The following TK2 variants were observed in gnomAD, a reference collection of about 807,000 sequenced individuals.
TK2 encodes the protein thymidine kinase 2.
A neutral mutation model predicts 41.9 loss-of-function variants in TK2; 35 were observed. The observed-to-expected ratio is 0.84, with a 90% CI of 0.64 to 1.11. TK2 has a LOEUF of 1.11. Among genes scored for constraint, TK2 ranks in the 50% least tolerant of loss-of-function variants. The probability of loss-of-function intolerance (pLI) is 0.00; values close to 1 mark genes in which losing one functional copy is unlikely to be tolerated. For synonymous variants in TK2, 128 were observed against 129.1 expected (o/e 0.99, Z 0.06); for missense variants, 320 against 351.1 (o/e 0.91, Z 0.71).
intron 6 of TK2, among the ~76,000 whole-genome samples, chr16:66,518,835 G>A (rs765919350): frequency 6.6e-6 from 1 of 152,076 alleles, no homozygotes; most frequent in Non-Finnish European, 1.5e-5. Context: ...TCAAGCTGCA[G>A]GACTACATGA....
chr16:66,516,366 A>C (rs750722981), intron 8 of TK2, among the ~76,000 whole-genome samples: 6 of 152,202 alleles, frequency 3.9e-5, no homozygotes, highest in Non-Finnish European at 5.9e-5. Flanking sequence ...GAGCATAGAA[A>C]GTAGGGAATG....
chr16:66,521,906 T>C (rs1964791302), intron 6 of TK2, among the ~76,000 whole-genome samples: 1 of 152,234 alleles, frequency 6.6e-6, no homozygotes, highest in Non-Finnish European at 1.5e-5. Flanking sequence ...GTTACATCAG[T>C]ACAATTTCTT....
intron 6 of TK2, among the ~76,000 whole-genome samples, chr16:66,525,795 GAC>G (rs1964913476): frequency 6.6e-6 from 1 of 152,168 alleles, no homozygotes; most frequent in Non-Finnish European, 1.5e-5. Flanking sequence ...GAACAGAAAG[GAC>G]ACTGTAAGTT....
Position 66,514,026 on chromosome 16 carries a change from C to T in TK2, c.619-215G>A, listed in dbSNP as rs1225880863. Among the ~76,000 whole-genome samples the T allele has an allele frequency of 6.6e-6, 1 of 152,206 alleles. No homozygotes were observed. The highest frequency in any genetic ancestry group is 1.5e-5 in the Non-Finnish European group (1 of 68,046). ...GCAAAACAGCACAAGTGTCACCAGCCACCCTGCTCTGCTCCACTGGGGGTT... is the reference window on the plus strand; with the variant it reads ...GCAAAACAGCACAAGTGTCACCAGCTACCCTGCTCTGCTCCACTGGGGGTT... On this transcript the variant is annotated intron_variant, in intron 8 of 9. Coordinates refer to ENST00000544898, the MANE Select transcript of TK2 (RefSeq NM_004614.5). This position sits in a 1 kb window ranked among gnomAD's most constrained non-coding sequence, Gnocchi z 4.2.
intron 2 of TK2, among the ~76,000 whole-genome samples, chr16:66,546,967 G>GT (rs1298128708): frequency 6.6e-6 from 1 of 151,942 alleles, no homozygotes; most frequent in African/African-American, 2.4e-5. Context: ...TGCCCAGGCT[G>GT]GTCTCAGACT....
upstream of TK2, chr16:66,550,221 A>T: frequency 6.2e-7 from 1 of 1,610,100 alleles, no homozygotes; most frequent in Non-Finnish European, 8.5e-7. Flanking sequence ...ACTCGAAGGG[A>T]GAGGTTCGCC....
intron 2 of TK2, among the ~76,000 whole-genome samples, chr16:66,543,696 T>A (rs1221864059): frequency 2.0e-5 from 3 of 152,196 alleles, no homozygotes; most frequent in African/African-American, 7.2e-5. Flanking sequence ...TCACGACTCC[T>A]GATGGAGCCT....
intron 1 of TK2, chr16:66,549,225 T>C (rs972854697): frequency 7.0e-7 from 1 of 1,423,476 alleles, no homozygotes. Context: ...ACCCCCAGTG[T>C]GCTCGAGTTC....
chr16:66,539,419 T>C (rs1388562754), intron 3 of TK2, among the ~76,000 whole-genome samples: 1 of 151,430 alleles, frequency 6.6e-6, no homozygotes, highest in Non-Finnish European at 1.5e-5. Flanking sequence ...GCCAACATGG[T>C]GAAACCCCAT....
intron 6 of TK2, among the ~76,000 whole-genome samples, chr16:66,523,947 T>C (rs1964857022): frequency 1.3e-5 from 2 of 152,246 alleles, no homozygotes; most frequent in Admixed American, 1.3e-4. Context: ...GTGGCCAAGC[T>C]CTAGTCTTCC....
At position 66,517,871 on chromosome 16, in the gene TK2, C is replaced by T. The variant is rs766524624; in HGVS notation, c.456G>A (p.Lys152=). Reference sequence around the variant, plus strand: ...GAACTACATAGTCCACTTCTGGCATCTTCCCACTGCAATGAGAGTTGTAAG... The same window carrying T: ...GAACTACATAGTCCACTTCTGGCATTTTCCCACTGCAATGAGAGTTGTAAG... ...IFVENLYRSG[K]MPEVDYVVLS... The change falls in exon 7 of 10, where the codon AAG becomes AAA. Residue 152 remains lysine (K), a synonymous_variant. Coordinates refer to ENST00000544898, the MANE Select transcript of TK2 (RefSeq NM_004614.5). This position sits in a 1 kb window ranked among gnomAD's most constrained non-coding sequence, Gnocchi z 4.3. 2 of 1,614,118 alleles carry T rather than the reference C, an allele frequency of 1.2e-6. No individual in the cohort carries two copies.
rs755653852 is a variant in TK2 at position 66,550,107 on chromosome 16, G to T, written c.-46C>A. The T allele has an allele frequency of 2.5e-6, 4 of 1,609,388 alleles. No individual in the cohort carries two copies. Among genetic ancestry groups the T allele is most frequent in the Non-Finnish European group, 3.4e-6 (4 of 1,178,862 alleles). ...AGGCCCGGGGTTCCTTCTTGTGCGA[G>T]TCGGCGCGGACGACTGCTAGTCCAG... On this transcript the variant is annotated 5_prime_UTR_variant, in exon 1 of 10. Coordinates refer to ENST00000544898, the MANE Select transcript of TK2 (RefSeq NM_004614.5).
Position 66,548,994 on chromosome 16 carries a change from T to G in TK2, c.140A>C (p.Lys47Thr). 1 of 1,613,866 alleles carries G rather than the reference T, an allele frequency of 6.2e-7. No individual in the cohort carries two copies. The change falls in exon 2 of 10, where the codon AAA becomes ACA. Residue 47 changes from lysine (K) to threonine (T), a missense_variant. Lys to Thr is a moderately conservative substitution (Grantham distance 78). Transcript: ENST00000544898. ...GGGACTTACCACTGATTTTTTCTCT[T>G]TTTCCTGTTCTTTATCTACAAAAGA... ...RAWPPDKEQE[K>T]EKKSVICVEG...
chr16:66,549,246 TAC>T (rs1965705244), intron 1 of TK2: 1 of 1,360,008 alleles, frequency 7.4e-7, no homozygotes, highest in African/African-American at 1.5e-5. Flanking sequence ...TTTCACTTAG[TAC>T]ATTATACTTT....
rs896350014 is a variant in TK2, at chr16:66,537,137, T to C, written c.232-120A>G. The C allele has an allele frequency of 5.0e-6, 7 of 1,413,294 alleles. No homozygotes were observed. The African/African-American group carries it at 7.1e-5, about 14-fold the overall frequency. 87.5% of individuals were successfully genotyped at this position (1,413,294 alleles called of 1,614,324 possible). A position where few individuals can be genotyped will look rare whatever the true frequency, so the allele number is the denominator to read the frequency against. On this transcript the variant is annotated intron_variant, in intron 3 of 9. Transcript: ENST00000544898. ...AAAGAGAGAAAAAGACTATCCAAAT[T>C]TGGGTGCCCAAGGTAGGCCAAAATA...
intron 2 of TK2, chr16:66,547,841 C>T: frequency 8.3e-7 from 1 of 1,201,006 alleles, no homozygotes; most frequent in South Asian, 1.5e-5. Flanking sequence ...AGGCTCCATA[C>T]CACTTTCTAT....
rs760277782 is a variant in TK2 at position 66,541,968 on chromosome 16, A to G, written c.157-15T>C. The stretch of plus-strand genomic sequence containing the variant: ...TCGACACAGATCTGGCAAAAGACGA[A>G]TGCATATTAGAGCCAGAACTCAAGC... On this transcript the variant is annotated splice_polypyrimidine_tract_variant and intron_variant, in intron 2 of 9. Coordinates refer to ENST00000544898, the MANE Select transcript of TK2 (RefSeq NM_004614.5). 6.2e-7 allele frequency: 1 copy of G among 1,614,000 alleles called. No homozygotes were observed. Among genetic ancestry groups the G allele is most frequent in the Non-Finnish European group, 8.5e-7 (1 of 1,179,884 alleles).
intron 9 of TK2, 117 bp from the exon 10 acceptor site, chr16:66,512,183 T>C (rs190122931): frequency 1.8e-5 from 16 of 907,202 alleles, no homozygotes; most frequent in Non-Finnish European, 2.4e-5. Flanking sequence ...GCACAGAAGG[T>C]TGCAGGCAGA....
Position 66,529,516 on chromosome 16 carries a change from C to T in TK2, c.376-449G>A, listed in dbSNP as rs148341272. On this transcript the variant is annotated intron_variant, in intron 5 of 9. Transcript: ENST00000544898. ...GCATGAGGTACAGCCCCAAGAGGGT[C>T]GGGTTGGGGGTGACGTTCTGGGGGC... Among the ~76,000 whole-genome samples the T allele has an allele frequency of 3.9e-4, 59 of 152,334 alleles. 1 individual carries two copies. The East Asian group carries it at 0.011, about 27-fold the overall frequency.
Sources: gnomAD v4.1 joint callset for allele counts (sites outside exome capture counted in the v4.1 genomes callset) on GRCh38, gnomAD v4.1.1 for gene constraint, Gnocchi (gnomAD v3.1) non-coding constraint, MANE v1.5 for transcripts, NCBI Gene and HGNC (gene_info 2026-07-23, HGNC 2026-07-21) for gene names.